Variants in SLIT3 observed in about 807,000 individuals in gnomAD.
SLIT3 encodes slit homolog 3 protein.
In SLIT3, 68 loss-of-function variants were observed where a neutral mutation model predicts 184.0. The ratio of observed to expected loss-of-function variants is 0.37; its 90% confidence interval spans 0.30 to 0.45. SLIT3 has a LOEUF of 0.45. SLIT3 is among the 20% of genes least tolerant of loss of function. SLIT3 has a pLI of 1.00. For missense variants in SLIT3, 1,707 were observed against 2,026.0 expected (o/e 0.84, Z 3.02); for synonymous variants, 831 against 828.6 (o/e 1.00, Z -0.05).
intron 4 of SLIT3, among the ~76,000 whole-genome samples, chr5:169,084,433 G>T (rs12189277): frequency 0.037 from 5,610 of 150,204 alleles, 146 homozygotes; most frequent in Middle Eastern, 0.1. Context: ...TTGGATTACA[G>T]GCATGCGCCA....
At chr5:169,097,760 A>G (rs1429686883) in intron 4 of SLIT3, among the ~76,000 whole-genome samples, 2 of 152,264 alleles carry the variant, frequency 1.3e-5, no homozygotes, top group African/African-American at 4.8e-5. Context: ...CTTGCTCTGT[A>G]GCCCCCCACC....
intron 5 of SLIT3, among the ~76,000 whole-genome samples, chr5:168,855,195 G>C (rs564499848): frequency 6.6e-6 from 1 of 151,938 alleles, no homozygotes; most frequent in Non-Finnish European, 1.5e-5. Context: ...TAGAAAGGCT[G>C]TAATTAAAAT....
At position 168,671,416 on chromosome 5, in the gene SLIT3, G is replaced by C. The variant is rs145548015; in HGVS notation, c.3909C>G (p.His1303Gln). 1.2e-6 allele frequency: 2 copies of C among 1,613,886 alleles called. No individual in the cohort carries two copies. Among genetic ancestry groups the C allele is most frequent in the Non-Finnish European group, 1.7e-6 (2 of 1,179,992 alleles). ...QGTDRPLGGF[H>Q]GCIHEVRINN... Reference sequence around the variant, plus strand: ...TGATGCGCACCTCATGGATGCATCCGTGGAAGCCGCCTAGAGGCCGGTCCG... The same window carrying C: ...TGATGCGCACCTCATGGATGCATCCCTGGAAGCCGCCTAGAGGCCGGTCCG... The change falls in exon 34 of 36, where the codon CAC becomes CAG. Residue 1303 changes from histidine to glutamine, a missense_variant. Transcript: ENST00000519560.
chr5:168,817,220 C>A, intron 8 of SLIT3, 80 bp downstream of exon 8: 1 of 1,363,750 alleles, frequency 7.3e-7, no homozygotes, highest in South Asian at 1.2e-5. Flanking sequence ...GGTATGTGTT[C>A]AAGGTCAGGG....
At chr5:168,683,108 G>A (rs1367492858) in intron 32 of SLIT3, among the ~76,000 whole-genome samples, 2 of 152,144 alleles carry the variant, frequency 1.3e-5, no homozygotes, top group African/African-American at 4.8e-5. Flanking sequence ...GCTCACACCT[G>A]TAATCCCAGC....
intron 4 of SLIT3, among the ~76,000 whole-genome samples, chr5:168,930,802 C>T (rs950962231): frequency 2.0e-4 from 30 of 151,710 alleles, no homozygotes; most frequent in African/African-American, 7.3e-4. Context: ...AAACCAGCAG[C>T]CCCCCGAGAG....
At position 169,186,932 on chromosome 5, in the gene SLIT3, C is replaced by T. The variant is rs574501889; in HGVS notation, c.413+6547G>A. Among the ~76,000 whole-genome samples the T allele has an allele frequency of 1.6e-3, 248 of 152,000 alleles. 2 individuals are homozygous for T. The highest frequency in any genetic ancestry group is 5.6e-3 in the African/African-American group (230 of 41,434). ...GGTTGGCCACATTGCATATAGTTGT[C>T]GGGTGCCTGGGGATTAACTTTCCAA... On this transcript the variant is annotated intron_variant, in intron 4 of 35. Transcript: ENST00000519560.
intron 4 of SLIT3, among the ~76,000 whole-genome samples, chr5:169,095,797 G>A (rs62379536): frequency 0.038 from 5,849 of 152,184 alleles, 160 homozygotes; most frequent in Middle Eastern, 0.1. Flanking sequence ...TTGACATCTC[G>A]TTCCTGCCCC....
intron 4 of SLIT3, among the ~76,000 whole-genome samples, chr5:168,909,337 A>C (rs567955948): frequency 6.6e-6 from 1 of 152,336 alleles, no homozygotes; most frequent in African/African-American, 2.4e-5. Context: ...AAATTCACAC[A>C]AACATCTATC....
chr5:168,895,184 A>C (rs1734260847), intron 4 of SLIT3, among the ~76,000 whole-genome samples: 2 of 152,130 alleles, frequency 1.3e-5, no homozygotes, highest in South Asian at 4.1e-4. Flanking sequence ...GATCATGAAG[A>C]AAGGATTCTT....
chr5:168,748,830 T>G (rs564663317), intron 19 of SLIT3, among the ~76,000 whole-genome samples: 2 of 152,298 alleles, frequency 1.3e-5, no homozygotes, highest in South Asian at 4.1e-4. Context: ...GTCCCAAGCC[T>G]CCATTGTGCC....
In SLIT3 at chr5:168,967,808, G is replaced by C. The variant is rs1763264961; in HGVS notation, c.414-84472C>G. On this transcript the variant is annotated intron_variant, in intron 4 of 35. Coordinates refer to ENST00000519560, the MANE Select transcript of SLIT3 (RefSeq NM_003062.4). ...TGTCCCTCTACAATCACAATATCTG[G>C]TGTGGTCAGCCTTCATCTGCAGGAA... 2.6e-5 allele frequency among the ~76,000 whole-genome samples: 4 copies of C among 152,150 alleles called. 1 individual carries two copies. The highest frequency in any genetic ancestry group is 9.6e-5 in the African/African-American group (4 of 41,524).
intron 4 of SLIT3, among the ~76,000 whole-genome samples, chr5:168,901,347 G>C (rs1760868056): frequency 7.7e-6 from 1 of 129,286 alleles, no homozygotes; most frequent in Admixed American, 7.9e-5. Context: ...CTGGGTGACA[G>C]AGTGAGACTC....
intron 4 of SLIT3, among the ~76,000 whole-genome samples, chr5:168,917,971 T>G (rs527942479): frequency 5.4e-4 from 83 of 152,306 alleles, no homozygotes; most frequent in African/African-American, 1.9e-3. Flanking sequence ...GGATTATCAT[T>G]TTGATTACAA....
intron 23 of SLIT3, chr5:168,720,375 C>T (rs542888217): frequency 6.6e-5 from 6 of 90,788 alleles, no homozygotes; most frequent in African/African-American, 1.7e-4. Flanking sequence ...CCATCACCCC[C>T]ACCACCCCAA....
At position 168,798,220 on chromosome 5, in the gene SLIT3, CTTCTTTTTTTTTTTTTTT is replaced by C. The variant is rs1197196357; in HGVS notation, c.936-2660_936-2643del. 1.2e-4 allele frequency among the ~76,000 whole-genome samples: 14 copies of C among 112,262 alleles called. No homozygotes were observed. In the East Asian group the frequency reaches 3.3e-3, roughly 27 times the overall value. The allele number at this position is 112,262 out of a possible 152,430, so 73.6% of individuals were successfully genotyped here. ...CTTTTGGTTTTCTTTTCTTCTTCTT[CTTCTTTTTTTTTTTTTTT>C]TAAGAGACAGAGTCTTGCTCTGTCA... is the stretch of plus-strand genomic sequence containing the variant. On this transcript the variant is annotated intron_variant, in intron 9 of 35. Transcript: ENST00000519560.
At chr5:169,195,134 A>T (rs1368752176) in intron 3 of SLIT3, among the ~76,000 whole-genome samples, 1 of 152,174 alleles carries the variant, frequency 6.6e-6, no homozygotes, top group Non-Finnish European at 1.5e-5. Context: ...GCTAAAGCTA[A>T]CTAAGGAATA....
intron 20 of SLIT3, among the ~76,000 whole-genome samples, chr5:168,743,923 G>A (rs771128414): frequency 1.3e-5 from 2 of 152,160 alleles, no homozygotes; most frequent in East Asian, 1.9e-4. Flanking sequence ...CCTTAATTCC[G>A]TGAAGGCTGA....
rs1229978326 is a variant in SLIT3, at chr5:169,300,817, G to C, written c.-108C>G. The C allele has an allele frequency of 1.3e-5, 15 of 1,150,880 alleles. No individual in the cohort carries two copies. The highest frequency in any genetic ancestry group is 3.2e-5 in the African/African-American group (2 of 61,836). The allele number at this position is 1,150,880 out of a possible 1,614,324, so 71.3% of individuals were successfully genotyped here. A position where few individuals can be genotyped will look rare whatever the true frequency, so the allele number is the denominator to read the frequency against. On this transcript the variant is annotated 5_prime_UTR_variant, in exon 1 of 36. Transcript: ENST00000519560. The surrounding 1 kb of genome is among the most constrained non-coding windows in gnomAD (Gnocchi z 4.1). Reference sequence around the variant, plus strand: ...GGCGGCCTGGGGAGCGGGCGGCGGAGTTAGCGCGGAGGAGGGGCGAGCTCG... The same window carrying C: ...GGCGGCCTGGGGAGCGGGCGGCGGACTTAGCGCGGAGGAGGGGCGAGCTCG...
Sources: gnomAD v4.1 joint callset for allele counts (sites outside exome capture counted in the v4.1 genomes callset) on GRCh38, gnomAD v4.1.1 for gene constraint, Gnocchi (gnomAD v3.1) non-coding constraint, MANE v1.5 for transcripts, NCBI Gene and HGNC (gene_info 2026-07-23, HGNC 2026-07-21) for gene names.